GOLGA6L2: variants seen among roughly 807,000 people sequenced by gnomAD.
GOLGA6L2 encodes the protein golgin subfamily A member 6-like protein 2.
In GOLGA6L2, 30 loss-of-function variants were observed where a neutral mutation model predicts 35.9. The observed-to-expected ratio is 0.83, with a 90% CI of 0.62 to 1.13. The LOEUF (loss-of-function observed/expected upper bound fraction) is 1.13, where lower values mean the gene tolerates loss of function less well. Ranked by LOEUF, GOLGA6L2 falls within the 50% of genes most tolerant of loss-of-function variation. GOLGA6L2 has a pLI of 0.00. For missense variants in GOLGA6L2, 821 were observed against 973.4 expected (o/e 0.84, Z 2.08); for synonymous variants, 297 against 344.0 (o/e 0.86, Z 1.51).
In GOLGA6L2 at chr15:23,439,888, C is replaced by T; in HGVS notation, c.2587G>A (p.Gly863Arg). Residue 863 changes from glycine (G) to arginine (R), a missense_variant, in exon 8 of 8, where the codon GGA (glycine) becomes AGA (arginine). This residue lies in a region of GOLGA6L2 where 12 missense variants were observed against 22.4 expected (regional missense o/e 0.53). Coordinates refer to ENST00000567107, the MANE Select transcript of GOLGA6L2 (RefSeq NM_001304388.2). ...CCTCCTGCCCCCACATCTTCTCCTC[C>T]TGCCCCCACATCTTCTCCTCCTGGC... ...VGPGGEDVGA[G>R]GEDVGAGGDA... 3 of 1,545,398 alleles carry T rather than the reference C, an allele frequency of 1.9e-6. No individual in the cohort carries two copies. In the South Asian group the frequency reaches 3.6e-5, roughly 18 times the overall value.
At position 23,446,993 on chromosome 15, in the gene GOLGA6L2, G is replaced by A. The variant is rs558118394; in HGVS notation, c.84+105C>T. ...GCCCAGCGGCACTGGGGGGGACCCA[G>A]CCCAGTGTGCCTCTGGAATGGCATG... On this transcript the variant is annotated intron_variant, in intron 1 of 7. Transcript: ENST00000567107. 6.5e-6 allele frequency: 4 copies of A among 617,952 alleles called. No homozygotes were observed. The Admixed American group carries it at 1.1e-4, about 17-fold the overall frequency. The allele number at this position is 617,952 out of a possible 1,614,324, so 38.3% of individuals were successfully genotyped here. A position where few individuals can be genotyped will look rare whatever the true frequency, so the allele number is the denominator to read the frequency against.
In GOLGA6L2 at chr15:23,441,266, G is replaced by T. The variant is rs1177717091; in HGVS notation, c.1209C>A (p.Asp403Glu). Reference protein sequence around the residue: ...RDQEERMWEQDERLREKEERM... With the variant: ...RDQEERMWEQEERLREKEERM... ...TCTCCTCCTTCTCCCGTAGCCTCTCGTCCTGCTCCCACATCCTCTCCTCTT... is the reference window on the plus strand; with the variant it reads ...TCTCCTCCTTCTCCCGTAGCCTCTCTTCCTGCTCCCACATCCTCTCCTCTT... Residue 403 changes from aspartate to glutamate, a missense_variant, in exon 8 of 8, where the codon GAC becomes GAA. Asp to Glu is a conservative substitution (Grantham distance 45, BLOSUM62 2). Transcript: ENST00000567107. 1.4e-6 allele frequency: 2 copies of T among 1,426,276 alleles called. No individual in the cohort carries two copies. The highest frequency in any genetic ancestry group is 1.9e-5 in the African/African-American group (1 of 51,416). 88.4% of individuals were successfully genotyped at this position (1,426,276 alleles called of 1,614,324 possible). A position where few individuals can be genotyped will look rare whatever the true frequency, so the allele number is the denominator to read the frequency against.
Position 23,441,978 on chromosome 15 carries a change from C to T in GOLGA6L2, c.792+1G>A. On this transcript the variant is annotated splice_donor_variant, in intron 7 of 7. Transcript: ENST00000567107. LOFTEE classifies it high-confidence loss of function. Reference sequence around the variant, plus strand: ...CAACCCCTGGGGCTGCAGCCGCTCACCTGTGGCAGCAGGAACTTGGCCCTC... The same window carrying T: ...CAACCCCTGGGGCTGCAGCCGCTCATCTGTGGCAGCAGGAACTTGGCCCTC... The T allele has an allele frequency of 6.5e-7, 1 of 1,544,036 alleles. No homozygotes were observed. The highest frequency in any genetic ancestry group is 8.7e-7 in the Non-Finnish European group (1 of 1,152,326).
Position 23,441,625 on chromosome 15 carries a change from G to C in GOLGA6L2, c.850C>G (p.Gln284Glu). The C allele has an allele frequency of 3.9e-6, 6 of 1,544,562 alleles. No homozygotes were observed. The highest frequency in any genetic ancestry group is 5.2e-6 in the Non-Finnish European group (6 of 1,144,660). The change falls in exon 8 of 8, where the codon CAG becomes GAG. Residue 284 changes from glutamine to glutamate, a missense_variant. Physicochemically the swap from Gln to Glu is conservative, Grantham distance 29. This residue lies in a region of GOLGA6L2 where 614 missense variants were observed against 632.3 expected (regional missense o/e 0.97). Transcript: ENST00000567107. ...TCCTGCTTCCGTATCTTCTTTTCCT[G>C]CTCCCGTAGCTCCTCCTCCTGCCTC... ...MWRQEEELREQEKKIRKQEEK... is the reference protein window; with the variant it reads ...MWRQEEELREEEKKIRKQEEK...
intron 5 of GOLGA6L2, among the ~76,000 whole-genome samples, chr15:23,442,828 C>T (rs1027815656): frequency 3.3e-5 from 5 of 152,018 alleles, no homozygotes; most frequent in Non-Finnish European, 7.4e-5. Flanking sequence ...TACAGGCATG[C>T]GCTACCACAC....
intron 5 of GOLGA6L2, 34 bp downstream of exon 5, chr15:23,443,743 G>A (rs1342466571): frequency 1.3e-6 from 2 of 1,488,690 alleles, no homozygotes; most frequent in African/African-American, 1.4e-5. Context: ...GCGAAGCTGG[G>A]ATCCCAGGAG....
intron 2 of GOLGA6L2, among the ~76,000 whole-genome samples, chr15:23,444,786 CT>C (rs2141085074): frequency 6.6e-6 from 1 of 152,306 alleles, no homozygotes; most frequent in South Asian, 2.1e-4. Context: ...CTTCTGCTAG[CT>C]TGTGATTTAG....
rs115224016 is a variant in GOLGA6L2, at chr15:23,444,164, C to G, written c.292G>C (p.Glu98Gln). Residue 98 changes from glutamate to glutamine, a missense_variant and splice_region_variant, in exon 4 of 8, where the codon GAG (glutamate) becomes CAG (glutamine). This residue lies in a region of GOLGA6L2 where 614 missense variants were observed against 632.3 expected (regional missense o/e 0.97). Transcript: ENST00000567107. ...QHQEALRREI[E>Q]AQDHTIRILT... is the part of the protein sequence containing the mutation. ...GGAACTTCACACCCTCCACTCACCT[C>G]TATCTCCCGCCTTAGGGCTTCCTGA... 2,821 of 1,604,086 alleles carry G rather than the reference C, an allele frequency of 1.8e-3. 63 individuals are homozygous for G. The African/African-American group carries it at 0.034, about 19-fold the overall frequency.
In GOLGA6L2 at chr15:23,442,527, T is replaced by A. The variant is rs759657433; in HGVS notation, c.592-19A>T. The A allele has an allele frequency of 1.3e-6, 2 of 1,583,626 alleles. No homozygotes were observed. The highest frequency in any genetic ancestry group is 3.5e-5 in the Admixed American group (2 of 57,566). The stretch of plus-strand genomic sequence containing the variant: ...CGATGTACTGCAAATAGAGAAAGGT[T>A]AAGTCAGGACAGAGCAGGCAGAAGA... On this transcript the variant is annotated intron_variant, in intron 5 of 7. Coordinates refer to ENST00000567107, the MANE Select transcript of GOLGA6L2 (RefSeq NM_001304388.2).
At chr15:23,446,113 G>A (rs1886778402) in intron 1 of GOLGA6L2, among the ~76,000 whole-genome samples, 1 of 152,168 alleles carries the variant, frequency 6.6e-6, no homozygotes, top group Non-Finnish European at 1.5e-5. Context: ...CAGAAGATGA[G>A]CAAATCTCAC....
Position 23,443,973 on chromosome 15 carries a change from T to A in GOLGA6L2, c.395A>T (p.Asn132Ile). 6.4e-7 allele frequency: 1 copy of A among 1,561,942 alleles called. No homozygotes were observed. The highest frequency in any genetic ancestry group is 8.6e-7 in the Non-Finnish European group (1 of 1,160,486). The change falls in exon 5 of 8, where the codon AAC becomes ATC. Residue 132 changes from asparagine (N) to isoleucine (I), a missense_variant. Asn to Ile is a moderately radical substitution (Grantham distance 149). Coordinates refer to ENST00000567107, the MANE Select transcript of GOLGA6L2 (RefSeq NM_001304388.2). Reference protein sequence around the residue: ...QDAARKFEDGNLGTPSSFNLA... With the variant: ...QDAARKFEDGILGTPSSFNLA... ...GTTGAAGGATGATGGGGTGCCCAGG[T>A]TCCCATCTTCAAATTTCCTGGCAGC...
In GOLGA6L2 at chr15:23,444,054, C is replaced by T. The variant is rs774878575; in HGVS notation, c.314G>A (p.Arg105Gln). 86 of 1,560,758 alleles carry T rather than the reference C, an allele frequency of 5.5e-5. No homozygotes were observed. Among genetic ancestry groups the T allele is most frequent in the Non-Finnish European group, 6.8e-5 (79 of 1,159,070 alleles). Residue 105 changes from arginine to glutamine, a missense_variant, in exon 5 of 8, where the codon CGA becomes CAA. By Grantham distance (43) the Arg-to-Gln change is conservative. Transcript: ENST00000567107. ...TTCAGTTTTCTGACACGTGAGAATT[C>T]GTATTGTATGATCCTGGGCCTTTGG... ...REIEAQDHTI[R>Q]ILTCQKTELE...
At chr15:23,446,981 G>A in intron 1 of GOLGA6L2, 117 bp downstream of exon 1, 3 of 582,414 alleles carry the variant, frequency 5.2e-6, no homozygotes, top group Non-Finnish European at 9.2e-6. Context: ...CAGCGGCACT[G>A]GGGGGGACCC....
Position 23,442,499 on chromosome 15 carries a change from C to T in GOLGA6L2, c.601G>A (p.Glu201Lys), listed in dbSNP as rs540390812. The change falls in exon 6 of 8, where the codon GAG (glutamate) becomes AAG (lysine). Residue 201 changes from glutamate to lysine, a missense_variant. Coordinates refer to ENST00000567107, the MANE Select transcript of GOLGA6L2 (RefSeq NM_001304388.2). ...AGGGCGTCCCTCTCCTTTGTTAACTCCTCGATGTACTGCAAATAGAGAAAG... is the reference window on the plus strand; with the variant it reads ...AGGGCGTCCCTCTCCTTTGTTAACTTCTCGATGTACTGCAAATAGAGAAAG... Reference protein sequence around the residue: ...WHKKADRYIEELTKERDALSL... With the variant: ...WHKKADRYIEKLTKERDALSL... 1.9e-6 allele frequency: 3 copies of T among 1,593,410 alleles called. No homozygotes were observed. Among genetic ancestry groups the T allele is most frequent in the African/African-American group, 1.3e-5 (1 of 74,810 alleles).
In GOLGA6L2 at chr15:23,441,500, C is replaced by T. The variant is rs1256486842; in HGVS notation, c.975G>A (p.Glu325=). 2.1e-6 allele frequency: 3 copies of T among 1,402,772 alleles called. No homozygotes were observed. Among genetic ancestry groups the T allele is most frequent in the Non-Finnish European group, 9.5e-7 (1 of 1,047,964 alleles). 86.9% of individuals were successfully genotyped at this position (1,402,772 alleles called of 1,614,324 possible). The change falls in exon 8 of 8, where the codon GAG becomes GAA. Residue 325 remains glutamate, a synonymous_variant. Coordinates refer to ENST00000567107, the MANE Select transcript of GOLGA6L2 (RefSeq NM_001304388.2). The stretch of plus-strand genomic sequence containing the variant: ...CCTGCTCCCGCAGCTCCTTCTCCTG[C>T]TCTCGCAGCCTCTTCTCCTGTCTCC... ...KMRRQEKRLR[E]QEKELREQEK... is the part of the protein sequence containing the mutation.
intron 5 of GOLGA6L2, among the ~76,000 whole-genome samples, chr15:23,443,408 G>T (rs11635205): frequency 6.7e-6 from 1 of 148,888 alleles, no homozygotes; most frequent in Non-Finnish European, 1.5e-5. Flanking sequence ...ACACGCACAT[G>T]CACACTTATG....
In GOLGA6L2 at chr15:23,443,883, C is replaced by A; in HGVS notation, c.485G>T (p.Gly162Val). 6.5e-7 allele frequency: 1 copy of A among 1,543,034 alleles called. No homozygotes were observed. Among genetic ancestry groups the A allele is most frequent in the East Asian group, 2.4e-5 (1 of 41,368 alleles). Residue 162 changes from glycine to valine, a missense_variant, in exon 5 of 8, where the codon GGA becomes GTA. This residue lies in a region of GOLGA6L2 where 614 missense variants were observed against 632.3 expected (regional missense o/e 0.97). Transcript: ENST00000567107. ...GCGGCCGGCGAGATCCTTGGACTCT[C>A]CTGGAATGAGAGAGGTTGAGACACA... ...LGCVSTSLIP[G>V]ESKDLAGRLH...
chr15:23,445,944 G>T (rs73423949), intron 1 of GOLGA6L2, among the ~76,000 whole-genome samples: 1 of 152,152 alleles, frequency 6.6e-6, no homozygotes, highest in Non-Finnish European at 1.5e-5. Flanking sequence ...ACTGTCATCC[G>T]TAAGAACATT....
At position 23,439,523 on chromosome 15, in the gene GOLGA6L2, C is replaced by G; in HGVS notation, c.*222G>C. ...CATGGCGGCTTATGCTTCTGTAGGC[C>G]TTGTTGACAGTGCCAACTTTTAGAT... On this transcript the variant is annotated 3_prime_UTR_variant, in exon 8 of 8. Coordinates refer to ENST00000567107, the MANE Select transcript of GOLGA6L2 (RefSeq NM_001304388.2). The G allele has an allele frequency of 1.4e-6, 2 of 1,452,172 alleles. No individual in the cohort carries two copies. Among genetic ancestry groups the G allele is most frequent in the Non-Finnish European group, 1.9e-6 (2 of 1,075,888 alleles). The allele number at this position is 1,452,172 out of a possible 1,614,324, so 90.0% of individuals were successfully genotyped here.
Sources: gnomAD v4.1 joint callset for allele counts (sites outside exome capture counted in the v4.1 genomes callset) on GRCh38, gnomAD v4.1.1 for gene constraint, gnomAD v4.1.1 regional missense constraint, MANE v1.5 for transcripts, NCBI Gene and HGNC (gene_info 2026-07-23, HGNC 2026-07-21) for gene names.